Variants in XKR9 observed in about 807,000 individuals in gnomAD.
XKR9 encodes XK related 9.
In XKR9, 32 loss-of-function variants were observed where a neutral mutation model predicts 32.0. That is an observed-to-expected ratio of 1.00 (90% CI 0.76 to 1.34). XKR9 has a LOEUF of 1.34. Ranked by LOEUF, XKR9 falls within the 40% of genes most tolerant of loss-of-function variation. XKR9 has a pLI of 0.00. For synonymous variants in XKR9, 168 were observed against 143.4 expected, an observed-to-expected ratio of 1.17 and a Z score of -1.22; for missense variants, 546 against 429.7, an observed-to-expected ratio of 1.27 and a Z score of -2.39.
chr8:70,996,134 A>T, the XKR9 span, among the ~76,000 whole-genome samples: 1 of 152,384 alleles, frequency 6.6e-6, no homozygotes, highest in South Asian at 2.1e-4. Flanking sequence ...TAACAAGAGA[A>T]AACTAAATGA....
chr8:70,669,539 G>T lies in XKR9; in HGVS notation c.-361+1G>T, dbSNP rs553070603. On this transcript the variant is annotated splice_donor_variant, in intron 1 of 4. Coordinates refer to ENST00000408926, the MANE Select transcript of XKR9 (RefSeq NM_001011720.2). LOFTEE classifies it low-confidence loss of function (5UTR_SPLICE). Reference sequence around the variant, plus strand: ...AAGAGTCTTGTGATTTGGGAGACAGGTTTGGTAACCGTTCGTTATTCAGTA... The same window carrying T: ...AAGAGTCTTGTGATTTGGGAGACAGTTTTGGTAACCGTTCGTTATTCAGTA... The T allele has an allele frequency of 1.4e-5, 3 of 213,798 alleles. No individual in the cohort carries two copies. Among genetic ancestry groups the T allele is most frequent in the African/African-American group, 7.1e-5 (3 of 42,106 alleles). 13.2% of individuals were successfully genotyped at this position (213,798 alleles called of 1,614,324 possible).
At chr8:71,021,724 A>G in the XKR9 span, among the ~76,000 whole-genome samples, 4 of 151,852 alleles carry the variant, frequency 2.6e-5, no homozygotes, top group African/African-American at 9.7e-5. Flanking sequence ...GATGGTCTCG[A>G]TCTCCTGACC....
chr8:70,829,603 C>T, the XKR9 span, among the ~76,000 whole-genome samples: 1 of 152,150 alleles, frequency 6.6e-6, no homozygotes, highest in Admixed American at 6.5e-5. Flanking sequence ...CGCCCGCTAC[C>T]ACACCCGGTT....
At chr8:70,699,961 C>A (rs1051092631) in intron 3 of XKR9, among the ~76,000 whole-genome samples, 1 of 152,192 alleles carries the variant, frequency 6.6e-6, no homozygotes, top group Non-Finnish European at 1.5e-5. Context: ...ACCCTTTCTT[C>A]CAGTTGATCG....
the XKR9 span, among the ~76,000 whole-genome samples, chr8:70,958,190 G>A: frequency 6.6e-6 from 1 of 152,156 alleles, no homozygotes. Context: ...GTAATAGAAT[G>A]ATTTCTATTC....
At chr8:70,800,324 T>C in the XKR9 span, among the ~76,000 whole-genome samples, 10 of 151,954 alleles carry the variant, frequency 6.6e-5, no homozygotes, top group Admixed American at 6.6e-4. Flanking sequence ...AAAGTTTTCT[T>C]TTTTTTTGTT....
chr8:70,742,129 AG>A (rs1163865127), intron 2 of XKR9, among the ~76,000 whole-genome samples: 9 of 152,152 alleles, frequency 5.9e-5, no homozygotes, highest in Non-Finnish European at 1.2e-4. Context: ...TATTTAATTA[AG>A]GGTTAACATC....
At chr8:70,671,835 A>C (rs1818726315) in intron 1 of XKR9, among the ~76,000 whole-genome samples, 1 of 110,194 alleles carries the variant, frequency 9.1e-6, no homozygotes, top group African/African-American at 2.9e-5. Flanking sequence ...GTCTCAGCCC[A>C]AAATCTCCTT....
intron 2 of XKR9, among the ~76,000 whole-genome samples, chr8:70,776,947 C>CTCTCTCTATA: frequency 1.2e-3 from 63 of 54,204 alleles, no homozygotes; most frequent in East Asian, 3.3e-3. Context: ...CTCTCTCTCT[C>CTCTCTCTATA]TATATATATA....
At chr8:70,812,707 A>T in the XKR9 span, among the ~76,000 whole-genome samples, 1 of 152,242 alleles carries the variant, frequency 6.6e-6, no homozygotes, top group African/African-American at 2.4e-5. Context: ...TTCAAAGAGA[A>T]TAAAATACCT....
the XKR9 span, among the ~76,000 whole-genome samples, chr8:71,014,576 C>T: frequency 0.43 from 65,769 of 152,024 alleles, 15,290 homozygotes; most frequent in Non-Finnish European, 0.53. Context: ...TAGGGGCCAC[C>T]TAACTGATCC....
chr8:71,011,049 A>T, the XKR9 span, among the ~76,000 whole-genome samples: 25 of 152,162 alleles, frequency 1.6e-4, no homozygotes, highest in Admixed American at 1.4e-3. Flanking sequence ...AGCTATTATG[A>T]CACAATATTG....
the XKR9 span, among the ~76,000 whole-genome samples, chr8:70,875,744 C>T: frequency 6.6e-6 from 1 of 152,138 alleles, no homozygotes; most frequent in Non-Finnish European, 1.5e-5. Flanking sequence ...CATTGTGTTG[C>T]TGACTACCTT....
At chr8:70,708,986 CACAA>C (rs1403884084) in intron 4 of XKR9, among the ~76,000 whole-genome samples, 1 of 151,820 alleles carries the variant, frequency 6.6e-6, no homozygotes, top group Non-Finnish European at 1.5e-5. Context: ...CTGGCAGTGA[CACAA>C]GAAAAAAAGA....
At chr8:70,992,497 GATGTACC>G in the XKR9 span, among the ~76,000 whole-genome samples, 1 of 152,148 alleles carries the variant, frequency 6.6e-6, no homozygotes, top group Admixed American at 6.5e-5. Flanking sequence ...TCAGTGGAAT[GATGTACC>G]AGTACTTAAG....
the XKR9 span, among the ~76,000 whole-genome samples, chr8:70,800,517 G>A: frequency 2.6e-5 from 4 of 152,110 alleles, no homozygotes; most frequent in African/African-American, 9.6e-5. Flanking sequence ...ATAAAGTGTT[G>A]CTCTGTCACC....
At chr8:71,056,294 A>T in the XKR9 span, among the ~76,000 whole-genome samples, 1 of 151,966 alleles carries the variant, frequency 6.6e-6, no homozygotes, top group African/African-American at 2.4e-5. Flanking sequence ...TGAGATGATA[A>T]TAAAGTCATT....
the XKR9 span, among the ~76,000 whole-genome samples, chr8:70,960,361 G>A: frequency 6.6e-6 from 1 of 152,116 alleles, no homozygotes; most frequent in African/African-American, 2.4e-5. Flanking sequence ...CTTTTGGGTA[G>A]CAGCCATTTT....
the XKR9 span, among the ~76,000 whole-genome samples, chr8:70,977,873 T>C: frequency 1.3e-5 from 2 of 152,218 alleles, no homozygotes; most frequent in African/African-American, 4.8e-5. Context: ...GGAGTCTAAT[T>C]CTCTTTGTAG....
Sources: allele counts gnomAD v4.1 joint callset (sites outside exome capture counted in the v4.1 genomes callset), GRCh38; gene constraint gnomAD v4.1.1; transcripts MANE v1.5; gene names NCBI Gene and HGNC (gene_info 2026-07-23, HGNC 2026-07-21).